The following NUMB variants were observed in gnomAD, a reference collection of about 807,000 sequenced individuals.
The protein encoded by NUMB is NUMB endocytic adaptor protein, also known as protein numb homolog.
A neutral mutation model predicts 59.7 loss-of-function variants in NUMB; 29 were observed. The observed-to-expected ratio is 0.49, with a 90% CI of 0.36 to 0.66. NUMB has a LOEUF of 0.66. NUMB is among the 30% of genes least tolerant of loss of function. NUMB has a pLI of 0.00. For missense variants in NUMB, 723 were observed against 822.0 expected (o/e 0.88, Z 1.47); for synonymous variants, 288 against 288.2 (o/e 1.00, Z 0.01).
At chr14:73,368,552 C>T (rs140543457) in intron 2 of NUMB, among the ~76,000 whole-genome samples, 7,779 of 151,368 alleles carry the variant, frequency 0.051, 645 homozygotes, top group African/African-American at 0.18. Context: ...CATTGCACTC[C>T]AGCCTGGGCA....
chr14:73,417,983 T>G lies in NUMB; in HGVS notation c.-232-7915A>C, dbSNP rs146167861. 0.013 allele frequency among the ~76,000 whole-genome samples: 1,977 copies of G among 152,150 alleles called. 99 individuals carry two copies. In the South Asian group the frequency reaches 0.16, roughly 12 times the overall value. On this transcript the variant is annotated intron_variant, in intron 1 of 12. Transcript: ENST00000555238. ...AGCCGGGCATGGTGGCATGCGCCTG[T>G]AATCCCAGCTACTCAGGAGGCTGAG...
At chr14:73,407,177 A>G (rs1382185300) in intron 2 of NUMB, among the ~76,000 whole-genome samples, 1 of 152,094 alleles carries the variant, frequency 6.6e-6, no homozygotes, top group East Asian at 1.9e-4. Context: ...AAAAACAAAA[A>G]AAACAAACTC....
At chr14:73,345,085 C>T (rs1466723966) in intron 4 of NUMB, among the ~76,000 whole-genome samples, 2 of 152,112 alleles carry the variant, frequency 1.3e-5, no homozygotes, top group East Asian at 1.9e-4. Context: ...AGCAAAGATA[C>T]GGAATCAACG....
chr14:73,392,312 C>T (rs924911930), intron 2 of NUMB, among the ~76,000 whole-genome samples: 48 of 152,268 alleles, frequency 3.2e-4, no homozygotes, highest in Admixed American at 2.6e-3. Flanking sequence ...ACTCTTTTTC[C>T]CCCTTAAAAT....
chr14:73,331,707 G>C (rs1202094911), intron 4 of NUMB, among the ~76,000 whole-genome samples: 1 of 152,116 alleles, frequency 6.6e-6, no homozygotes, highest in Non-Finnish European at 1.5e-5. Flanking sequence ...TGCTGTTCTT[G>C]GGATAATCAG....
intron 4 of NUMB, among the ~76,000 whole-genome samples, chr14:73,348,466 CAGG>C (rs1360705089): frequency 6.6e-6 from 1 of 152,234 alleles, no homozygotes; most frequent in East Asian, 1.9e-4. Flanking sequence ...GGCCACACAG[CAGG>C]AGGTGAGCGG....
chr14:73,338,195 G>A (rs938173350), intron 4 of NUMB, among the ~76,000 whole-genome samples: 4 of 151,970 alleles, frequency 2.6e-5, no homozygotes, highest in African/African-American at 9.7e-5. Context: ...GCTGAGGCAA[G>A]AAGATCACTT....
chr14:73,448,692 T>C lies in NUMB; in HGVS notation c.-233+9801A>G, dbSNP rs375131307. ...TAAAATCATTAACAATATCAGTAAA[T>C]AAAATAATTCAATAAAAGCAATGAT... is the stretch of plus-strand genomic sequence containing the variant. On this transcript the variant is annotated intron_variant, in intron 1 of 12. Coordinates refer to ENST00000555238, the MANE Select transcript of NUMB (RefSeq NM_001005743.2). 7.9e-5 allele frequency among the ~76,000 whole-genome samples: 12 copies of C among 152,156 alleles called. 1 individual carries two copies. Among genetic ancestry groups the C allele is most frequent in the Admixed American group, 7.9e-4 (12 of 15,266 alleles).
At chr14:73,429,559 T>C (rs935244465) in intron 1 of NUMB, among the ~76,000 whole-genome samples, 3 of 152,180 alleles carry the variant, frequency 2.0e-5, no homozygotes, top group Non-Finnish European at 4.4e-5. Flanking sequence ...CCATCCTTTA[T>C]CAATTTACCA....
At chr14:73,354,448 T>C (rs1388834789) in intron 4 of NUMB, among the ~76,000 whole-genome samples, 3 of 147,890 alleles carry the variant, frequency 2.0e-5, no homozygotes, top group Admixed American at 1.4e-4. Flanking sequence ...GAGACGGAGG[T>C]TGCAGTGAGC....
At chr14:73,334,571 C>T (rs1319565611) in intron 4 of NUMB, among the ~76,000 whole-genome samples, 1 of 152,000 alleles carries the variant, frequency 6.6e-6, no homozygotes, top group Admixed American at 6.6e-5. Flanking sequence ...AGGTTTGGGG[C>T]CTATTCGACT....
At chr14:73,447,278 G>A (rs1353937011) in intron 1 of NUMB, among the ~76,000 whole-genome samples, 3 of 150,712 alleles carry the variant, frequency 2.0e-5, no homozygotes, top group African/African-American at 7.3e-5. Context: ...CACGAGGTCA[G>A]GAGTTCGAGA....
intron 8 of NUMB, among the ~76,000 whole-genome samples, chr14:73,287,799 A>G (rs1315894306): frequency 6.6e-6 from 1 of 152,242 alleles, no homozygotes; most frequent in Non-Finnish European, 1.5e-5. Flanking sequence ...ATGATGGTTC[A>G]ATTCACTGTT....
At chr14:73,440,544 A>G (rs1882977183) in intron 1 of NUMB, among the ~76,000 whole-genome samples, 1 of 151,928 alleles carries the variant, frequency 6.6e-6, no homozygotes, top group Non-Finnish European at 1.5e-5. Context: ...CAAAAGCACA[A>G]GCAACAAAAA....
chr14:73,377,648 A>G (rs1270575129), intron 2 of NUMB, among the ~76,000 whole-genome samples: 1 of 151,568 alleles, frequency 6.6e-6, no homozygotes, highest in African/African-American at 2.4e-5. Context: ...ACAAACAAAC[A>G]AACAACAACA....
rs1486969406 is a variant in NUMB at position 73,370,422 on chromosome 14, TG to T, written c.-100-3442del. Reference sequence around the variant, plus strand: ...GTCAGTTTCTTCTCGCCAGGCGTGGTGGCTCACGCTTGTAATCCCAGCACTT... The same window carrying T: ...GTCAGTTTCTTCTCGCCAGGCGTGGTGCTCACGCTTGTAATCCCAGCACTT... On this transcript the variant is annotated intron_variant, in intron 2 of 12. Transcript: ENST00000555238. 4.6e-5 allele frequency among the ~76,000 whole-genome samples: 7 copies of T among 152,366 alleles called. No homozygotes were observed. In the Middle Eastern group the frequency reaches 0.01, roughly 222 times the overall value.
intron 6 of NUMB, among the ~76,000 whole-genome samples, chr14:73,312,935 C>T (rs149605467): frequency 2.0e-5 from 3 of 151,606 alleles, no homozygotes; most frequent in Non-Finnish European, 2.9e-5. Flanking sequence ...GGTGATGCTA[C>T]GGTGCTGCTC....
At chr14:73,317,282 T>C (rs1313763506) in intron 5 of NUMB, among the ~76,000 whole-genome samples, 1 of 150,208 alleles carries the variant, frequency 6.7e-6, no homozygotes, top group Non-Finnish European at 1.5e-5. Context: ...AAGCTATTGC[T>C]TATTATTATT....
In NUMB at chr14:73,332,171, G is replaced by A. The variant is rs572405872; in HGVS notation, c.127-8967C>T. ...GTTCCAGTTCTATGCTGGGTTCTCAGTTCTAATTATCTGCTTTGTGTAAGT... is the reference window on the plus strand; with the variant it reads ...GTTCCAGTTCTATGCTGGGTTCTCAATTCTAATTATCTGCTTTGTGTAAGT... On this transcript the variant is annotated intron_variant, in intron 4 of 12. Transcript: ENST00000555238. Among the ~76,000 whole-genome samples, 32 of 152,234 alleles carry A rather than the reference G, an allele frequency of 2.1e-4. No homozygotes were observed. In the South Asian group the frequency reaches 4.2e-3, roughly 20 times the overall value.
Sources: gnomAD v4.1 joint callset for allele counts (sites outside exome capture counted in the v4.1 genomes callset) on GRCh38, gnomAD v4.1.1 for gene constraint, MANE v1.5 for transcripts, NCBI Gene and HGNC (gene_info 2026-07-23, HGNC 2026-07-21) for gene names.